EEFSEC: variants seen among roughly 807,000 people sequenced by gnomAD.
EEFSEC encodes the protein eukaryotic elongation factor, selenocysteine-tRNA specific.
EEFSEC carries 43 observed loss-of-function variants against 42.1 expected under a neutral mutation model. The observed-to-expected ratio is 1.02, with a 90% CI of 0.80 to 1.32. The LOEUF (loss-of-function observed/expected upper bound fraction) is 1.32, where lower values mean the gene tolerates loss of function less well. Among genes scored for constraint, EEFSEC ranks in the 40% most tolerant of loss-of-function variants. EEFSEC has a pLI of 0.00. For synonymous variants in EEFSEC, 354 were observed against 339.1 expected (o/e 1.04, Z -0.48); for missense variants, 745 against 803.6 (o/e 0.93, Z 0.88).
At chr3:128,168,712 G>A (rs899568756) in intron 1 of EEFSEC, among the ~76,000 whole-genome samples, 1 of 152,254 alleles carries the variant, frequency 6.6e-6, no homozygotes, top group East Asian at 1.9e-4. Flanking sequence ...TGTCATGGGT[G>A]TGCAGTGTTT....
chr3:128,205,519 A>C (rs1221503343), intron 1 of EEFSEC, among the ~76,000 whole-genome samples: 1 of 152,196 alleles, frequency 6.6e-6, no homozygotes, highest in East Asian at 1.9e-4. Flanking sequence ...AGATCTGCCT[A>C]ATAATAGGAT....
intron 3 of EEFSEC, among the ~76,000 whole-genome samples, chr3:128,264,074 C>T (rs147520499): frequency 3.2e-3 from 492 of 152,280 alleles, no homozygotes; most frequent in Non-Finnish European, 4.9e-3. Context: ...ACAGAGAAGC[C>T]TGTCCAGAGG....
At chr3:128,227,312 C>T (rs951582230) in intron 1 of EEFSEC, among the ~76,000 whole-genome samples, 4 of 150,606 alleles carry the variant, frequency 2.7e-5, no homozygotes, top group Non-Finnish European at 4.4e-5. Flanking sequence ...CCTCCCCCTA[C>T]CCCCCCACTC....
intron 1 of EEFSEC, among the ~76,000 whole-genome samples, chr3:128,237,806 C>T (rs58346671): frequency 2.0e-4 from 31 of 152,300 alleles, no homozygotes; most frequent in African/African-American, 7.5e-4. Context: ...TCTCATTGTT[C>T]ACCCTGGCCT....
intron 6 of EEFSEC, among the ~76,000 whole-genome samples, chr3:128,405,855 C>T (rs1277880052): frequency 3.9e-5 from 6 of 152,260 alleles, no homozygotes; most frequent in Admixed American, 3.9e-4. Flanking sequence ...CCAGCCTGTA[C>T]AGGCCCTTTG....
At chr3:128,380,850 G>T (rs896931819) in intron 6 of EEFSEC, among the ~76,000 whole-genome samples, 1 of 152,232 alleles carries the variant, frequency 6.6e-6, no homozygotes, top group African/African-American at 2.4e-5. Flanking sequence ...TGGGACATGT[G>T]CACCTGTGGG....
intron 5 of EEFSEC, among the ~76,000 whole-genome samples, chr3:128,349,047 G>A (rs995924169): frequency 6.6e-6 from 1 of 152,212 alleles, no homozygotes; most frequent in East Asian, 1.9e-4. Flanking sequence ...AAGGTTCACT[G>A]CACAGACACT....
chr3:128,384,907 G>A (rs1459901546), intron 6 of EEFSEC, among the ~76,000 whole-genome samples: 1 of 152,186 alleles, frequency 6.6e-6, no homozygotes, highest in East Asian at 1.9e-4. Context: ...CACAAAAGCA[G>A]CAGTGGTGGG....
chr3:128,284,056 C>T (rs986632543), intron 4 of EEFSEC, among the ~76,000 whole-genome samples: 12 of 152,306 alleles, frequency 7.9e-5, no homozygotes, highest in South Asian at 2.1e-4. Flanking sequence ...GTAACATACA[C>T]GGCTACACCA....
chr3:128,346,772 G>A (rs890048050), intron 5 of EEFSEC, among the ~76,000 whole-genome samples: 1 of 152,206 alleles, frequency 6.6e-6, no homozygotes, highest in African/African-American at 2.4e-5. Context: ...CACAAAGGCA[G>A]CCATAGACAA....
intron 4 of EEFSEC, among the ~76,000 whole-genome samples, chr3:128,282,330 G>A (rs1312464436): frequency 6.6e-6 from 1 of 152,258 alleles, no homozygotes; most frequent in African/African-American, 2.4e-5. Flanking sequence ...CCTTTGAGGG[G>A]CTTTTTGATG....
At chr3:128,165,330 C>T (rs2065233611) in intron 1 of EEFSEC, among the ~76,000 whole-genome samples, 1 of 152,228 alleles carries the variant, frequency 6.6e-6, no homozygotes, top group African/African-American at 2.4e-5. Context: ...AAAATTGTGG[C>T]TCCTGAGGAA....
chr3:128,406,959 G>A (rs1317764496), intron 6 of EEFSEC, among the ~76,000 whole-genome samples: 1 of 152,018 alleles, frequency 6.6e-6, no homozygotes. Context: ...CAGAGAAAGG[G>A]CAGTTGCAGC....
At chr3:128,383,448 T>C (rs2067800337) in intron 6 of EEFSEC, among the ~76,000 whole-genome samples, 1 of 152,254 alleles carries the variant, frequency 6.6e-6, no homozygotes, top group Non-Finnish European at 1.5e-5. Flanking sequence ...ATGAACTCAC[T>C]TGGGCCTTAC....
chr3:128,421,243 C>A, the EEFSEC span, among the ~76,000 whole-genome samples: 5 of 152,240 alleles, frequency 3.3e-5, no homozygotes, highest in African/African-American at 1.2e-4. Flanking sequence ...GGAGCCTGCA[C>A]AACCTCTGAG....
At chr3:128,264,814 C>A in intron 4 of EEFSEC, 33 bp downstream of exon 4, 1 of 1,597,510 alleles carries the variant, frequency 6.3e-7, no homozygotes, top group Non-Finnish European at 8.6e-7. Context: ...TTCTGGCCTC[C>A]TCGCTGGCAG....
At chr3:128,269,795 C>T (rs2066395205) in intron 4 of EEFSEC, among the ~76,000 whole-genome samples, 1 of 152,226 alleles carries the variant, frequency 6.6e-6, no homozygotes, top group African/African-American at 2.4e-5. Context: ...TCCTAAGAAT[C>T]ACCAGCTTTC....
At chr3:128,185,046 CA>C (rs2065450893) in intron 1 of EEFSEC, among the ~76,000 whole-genome samples, 1 of 152,118 alleles carries the variant, frequency 6.6e-6, no homozygotes, top group Non-Finnish European at 1.5e-5. Flanking sequence ...AGGAAAAAAA[CA>C]AATACAAGTC....
intron 1 of EEFSEC, among the ~76,000 whole-genome samples, chr3:128,184,524 A>T (rs1357857480): frequency 6.6e-6 from 1 of 152,188 alleles, no homozygotes; most frequent in Non-Finnish European, 1.5e-5. Flanking sequence ...GCTGAATAAT[A>T]TTCCTTTGTA....
Sources: gnomAD v4.1 joint callset for allele counts (sites outside exome capture counted in the v4.1 genomes callset) on GRCh38, gnomAD v4.1.1 for gene constraint, MANE v1.5 for transcripts, NCBI Gene and HGNC (gene_info 2026-07-23, HGNC 2026-07-21) for gene names.